Variants in ZNF560 observed in about 807,000 individuals in gnomAD.
ZNF560 encodes the protein zinc finger protein 560.
Under a neutral mutation model 81.8 loss-of-function variants are expected in ZNF560, and 54 were observed. The observed-to-expected ratio is 0.66, with a 90% CI of 0.53 to 0.83. ZNF560 has a LOEUF of 0.83. Ranked by LOEUF, ZNF560 falls within the 40% of genes least tolerant of loss-of-function variation. The probability of loss-of-function intolerance (pLI) is 0.00; values close to 1 mark genes in which losing one functional copy is unlikely to be tolerated. For missense variants in ZNF560, 940 were observed against 932.4 expected (o/e 1.01, Z -0.11); for synonymous variants, 321 against 317.9 (o/e 1.01, Z -0.10).
chr19:9,482,603 G>T (rs2073307584), intron 2 of ZNF560, among the ~76,000 whole-genome samples: 1 of 151,752 alleles, frequency 6.6e-6, no homozygotes, highest in Non-Finnish European at 1.5e-5. Context: ...TCCAGCACAG[G>T]CAAGAGCAAG....
intron 2 of ZNF560, among the ~76,000 whole-genome samples, chr19:9,484,802 A>C (rs560263431): frequency 6.6e-6 from 1 of 151,676 alleles, no homozygotes; most frequent in East Asian, 1.9e-4. Context: ...GTAAATAAGT[A>C]AATAAATAAA....
the ZNF560 span, among the ~76,000 whole-genome samples, chr19:9,454,510 T>A: frequency 6.6e-6 from 1 of 151,958 alleles, no homozygotes; most frequent in Admixed American, 6.6e-5. Flanking sequence ...CCATGGTAAG[T>A]AAGAAGGGGA....
chr19:9,502,795 G>A (rs2073642684), upstream of ZNF560, among the ~76,000 whole-genome samples: 1 of 151,956 alleles, frequency 6.6e-6, no homozygotes, highest in Non-Finnish European at 1.5e-5. Context: ...ATAGTTTGTT[G>A]TAGTGTGCCC....
At chr19:9,472,707 G>T (rs893674385) in intron 5 of ZNF560, among the ~76,000 whole-genome samples, 1 of 152,148 alleles carries the variant, frequency 6.6e-6, no homozygotes, top group Non-Finnish European at 1.5e-5. Flanking sequence ...AGTTATGGTA[G>T]AGTTGTATAA....
Position 9,489,263 on chromosome 19 carries a change from G to A in ZNF560, c.-57+8865C>T, listed in dbSNP as rs990261663. ...GACAGTGGGGCGGCCAGGCAGAGGC[G>A]CTCCTCGCTTCCCAGACAGTGCGGC... is the stretch of plus-strand genomic sequence containing the variant. On this transcript the variant is annotated intron_variant, in intron 2 of 9. Coordinates refer to ENST00000301480, the MANE Select transcript of ZNF560 (RefSeq NM_152476.3). Among the ~76,000 whole-genome samples the A allele has an allele frequency of 4.6e-5, 7 of 151,770 alleles. No individual in the cohort carries two copies. In the South Asian group the frequency reaches 8.3e-4, roughly 18 times the overall value.
downstream of ZNF560, among the ~76,000 whole-genome samples, chr19:9,461,720 T>C (rs2072934146): frequency 6.6e-6 from 1 of 152,206 alleles, no homozygotes; most frequent in African/African-American, 2.4e-5. Context: ...GAAATGCGAC[T>C]GGAATACTTC....
At chr19:9,462,057 A>G (rs1446351340), downstream of ZNF560, among the ~76,000 whole-genome samples, 1 of 152,252 alleles carries the variant, frequency 6.6e-6, no homozygotes, top group African/African-American at 2.4e-5. Context: ...TCCTGCAAGA[A>G]GTAGCTCACT....
chr19:9,483,827 C>T (rs1471041134), intron 2 of ZNF560, among the ~76,000 whole-genome samples: 35 of 152,140 alleles, frequency 2.3e-4, no homozygotes, highest in African/African-American at 7.2e-4. Flanking sequence ...GCCATGATGA[C>T]GATGGCGGTT....
chr19:9,485,363 G>A (rs1274053609), intron 2 of ZNF560, among the ~76,000 whole-genome samples: 1 of 151,992 alleles, frequency 6.6e-6, no homozygotes, highest in Non-Finnish European at 1.5e-5. Context: ...TGCACGGATG[G>A]TTCAACATAT....
At chr19:9,449,262 A>C in the ZNF560 span, among the ~76,000 whole-genome samples, 1 of 152,236 alleles carries the variant, frequency 6.6e-6, no homozygotes, top group African/African-American at 2.4e-5. Context: ...AGTCTCAATA[A>C]ATTCATTCAA....
chr19:9,457,640 C>T, the ZNF560 span, among the ~76,000 whole-genome samples: 3 of 152,290 alleles, frequency 2.0e-5, no homozygotes, highest in South Asian at 2.1e-4. Flanking sequence ...TAGCTCCTGA[C>T]GCAATTCAGA....
chr19:9,449,314 A>G, the ZNF560 span, among the ~76,000 whole-genome samples: 2 of 152,238 alleles, frequency 1.3e-5, no homozygotes, highest in Non-Finnish European at 2.9e-5. Context: ...ACCACAGTGA[A>G]ATAGAAATAA....
At chr19:9,460,174 G>T in the ZNF560 span, among the ~76,000 whole-genome samples, 2 of 152,110 alleles carry the variant, frequency 1.3e-5, no homozygotes, top group African/African-American at 2.4e-5. Context: ...GTTTTGGGAG[G>T]ATCCCAAACA....
Position 9,466,449 on chromosome 19 carries a change from T to G in ZNF560, c.*125A>C. Reference sequence around the variant, plus strand: ...GTACATATCTAGAAAGATTCAACTGTTCAGGCTTTCTCACATTCCTTACAT... The same window carrying G: ...GTACATATCTAGAAAGATTCAACTGGTCAGGCTTTCTCACATTCCTTACAT... On this transcript the variant is annotated 3_prime_UTR_variant, in exon 10 of 10. Coordinates refer to ENST00000301480, the MANE Select transcript of ZNF560 (RefSeq NM_152476.3). 1 of 859,790 alleles carries G rather than the reference T, an allele frequency of 1.2e-6. No homozygotes were observed. The highest frequency in any genetic ancestry group is 1.8e-6 in the Non-Finnish European group (1 of 557,732). The allele number at this position is 859,790 out of a possible 1,614,324, so 53.3% of individuals were successfully genotyped here. A position where few individuals can be genotyped will look rare whatever the true frequency, so the allele number is the denominator to read the frequency against.
chr19:9,449,996 A>AACC, the ZNF560 span, among the ~76,000 whole-genome samples: 1 of 115,878 alleles, frequency 8.6e-6, no homozygotes, highest in Non-Finnish European at 1.7e-5. Flanking sequence ...AAAAAAAAAA[A>AACC]AACAACTGAA....
chr19:9,503,595 C>A (rs1229297709), upstream of ZNF560, among the ~76,000 whole-genome samples: 1 of 152,184 alleles, frequency 6.6e-6, no homozygotes, highest in Admixed American at 6.5e-5. Flanking sequence ...AGTAGAGTGG[C>A]AAAATCACAG....
the ZNF560 span, among the ~76,000 whole-genome samples, chr19:9,504,968 C>T: frequency 5.3e-5 from 8 of 152,086 alleles, no homozygotes; most frequent in Non-Finnish European, 1.0e-4. Flanking sequence ...ACCTGTAGTC[C>T]CAGCTACTCA....
chr19:9,459,704 G>A, the ZNF560 span, among the ~76,000 whole-genome samples: 34 of 152,176 alleles, frequency 2.2e-4, no homozygotes, highest in African/African-American at 2.4e-5. Context: ...AGGTGAGGAT[G>A]TGGGGGTAGA....
At position 9,473,175 on chromosome 19, in the gene ZNF560, T is replaced by C. The variant is rs1361295215; in HGVS notation, c.238+4A>G. The C allele has an allele frequency of 3.1e-6, 5 of 1,612,698 alleles. No individual in the cohort carries two copies. Among genetic ancestry groups the C allele is most frequent in the Non-Finnish European group, 4.2e-6 (5 of 1,178,690 alleles). ...GACCAAGGTTGTTCTTCACAAATAC[T>C]CACCTTGGAGAACTCCTTGCTGCAA... On this transcript the variant is annotated splice_donor_region_variant and intron_variant, in intron 5 of 9. Transcript: ENST00000301480.
Sources: allele counts gnomAD v4.1 joint callset (sites outside exome capture counted in the v4.1 genomes callset), GRCh38; gene constraint gnomAD v4.1.1; transcripts MANE v1.5; gene names NCBI Gene and HGNC (gene_info 2026-07-23, HGNC 2026-07-21).